Variants in CEP85L observed in about 807,000 individuals in gnomAD.
CEP85L encodes the protein centrosomal protein of 85 kDa-like.
In CEP85L, 60 loss-of-function variants were observed where a neutral mutation model predicts 100.3. The observed-to-expected ratio is 0.60, with a 90% CI of 0.49 to 0.74. The LOEUF (loss-of-function observed/expected upper bound fraction) is 0.74, where lower values mean the gene tolerates loss of function less well. Among genes scored for constraint, CEP85L ranks in the 30% least tolerant of loss-of-function variants. The pLI is 0.00. For synonymous variants in CEP85L, 319 were observed against 322.7 expected, an observed-to-expected ratio of 0.99 and a Z score of 0.12; for missense variants, 973 against 936.2, an observed-to-expected ratio of 1.04 and a Z score of -0.51.
At chr6:118,647,716 AG>A (rs758340189) in intron 1 of CEP85L, among the ~76,000 whole-genome samples, 7 of 152,190 alleles carry the variant, frequency 4.6e-5, no homozygotes, top group Non-Finnish European at 7.3e-5. Context: ...TAGCACAACT[AG>A]GTATTAGGAA....
intron 1 of CEP85L, among the ~76,000 whole-genome samples, chr6:118,706,187 A>C (rs556203362): frequency 1.3e-5 from 2 of 152,304 alleles, no homozygotes; most frequent in East Asian, 3.9e-4. Flanking sequence ...CACTCTGACA[A>C]GGGGATTATT....
intron 2 of CEP85L, among the ~76,000 whole-genome samples, chr6:118,631,144 A>G (rs1774119925): frequency 6.6e-6 from 1 of 152,154 alleles, no homozygotes; most frequent in South Asian, 2.1e-4. Flanking sequence ...ATGACATTGG[A>G]GGAGGCTGTG....
chr6:118,671,722 G>C (rs1462486131), intron 1 of CEP85L, among the ~76,000 whole-genome samples: 1 of 152,106 alleles, frequency 6.6e-6, no homozygotes, highest in Non-Finnish European at 1.5e-5. Flanking sequence ...TGGATCACTT[G>C]AGGTCAGGAG....
chr6:118,482,687 C>A (rs1486687857), intron 7 of CEP85L, among the ~76,000 whole-genome samples: 2 of 152,156 alleles, frequency 1.3e-5, no homozygotes, highest in African/African-American at 4.8e-5. Flanking sequence ...CTGTTCAAGA[C>A]CCTTAACTGC....
At chr6:118,676,868 T>A (rs1776500712) in intron 1 of CEP85L, among the ~76,000 whole-genome samples, 2 of 152,252 alleles carry the variant, frequency 1.3e-5, no homozygotes, top group South Asian at 4.1e-4. Context: ...TGTCTTTTTT[T>A]AAATGATAGC....
At chr6:118,563,762 T>C (rs1779352341) in intron 3 of CEP85L, among the ~76,000 whole-genome samples, 1 of 152,174 alleles carries the variant, frequency 6.6e-6, no homozygotes, top group Non-Finnish European at 1.5e-5. Context: ...GAAGTCAATG[T>C]TTCAAAGAGG....
At chr6:118,651,125 G>A (rs993218729) in intron 1 of CEP85L, 72 bp downstream of exon 1, 3 of 1,435,302 alleles carry the variant, frequency 2.1e-6, no homozygotes, top group East Asian at 3.0e-5. Flanking sequence ...GGAGGGGAGC[G>A]GCGGCGAGGT....
chr6:118,506,629 A>T (rs1005272597), intron 5 of CEP85L, among the ~76,000 whole-genome samples: 2 of 152,138 alleles, frequency 1.3e-5, no homozygotes, highest in African/African-American at 2.4e-5. Context: ...GCACTTATGA[A>T]CCAATCTAGA....
chr6:118,685,492 A>AAAAT (rs1381620926), intron 1 of CEP85L, among the ~76,000 whole-genome samples: 2 of 152,246 alleles, frequency 1.3e-5, no homozygotes, highest in Non-Finnish European at 2.9e-5. Flanking sequence ...CTCACAATGA[A>AAAAT]AAATAATTTT....
At chr6:118,631,400 A>T (rs1479376012) in intron 2 of CEP85L, among the ~76,000 whole-genome samples, 1 of 152,218 alleles carries the variant, frequency 6.6e-6, no homozygotes, top group East Asian at 1.9e-4. Flanking sequence ...CACTCTAGAA[A>T]ACTGTGTGGC....
chr6:118,601,512 A>T (rs1781786609), intron 2 of CEP85L, among the ~76,000 whole-genome samples: 1 of 152,218 alleles, frequency 6.6e-6, no homozygotes, highest in African/African-American at 2.4e-5. Flanking sequence ...ATTATGAAAT[A>T]TTTGAAATGA....
At position 118,522,847 on chromosome 6, in the gene CEP85L, C is replaced by A. The variant is rs147768033; in HGVS notation, c.1139+955G>T. On this transcript the variant is annotated intron_variant, in intron 4 of 12. Transcript: ENST00000368491. ...TGAGCTGAGATGGCACCACTGCACTCCAGCCTGGGCGACAGACTGAGACTC... is the reference window on the plus strand; with the variant it reads ...TGAGCTGAGATGGCACCACTGCACTACAGCCTGGGCGACAGACTGAGACTC... Among the ~76,000 whole-genome samples the A allele has an allele frequency of 6.8e-4, 103 of 150,770 alleles. No homozygotes were observed. In the East Asian group the frequency reaches 0.018, roughly 26 times the overall value.
chr6:118,567,237 GTGTGTGTGTGTGTATATATATATATAT>G (rs1779583365), intron 2 of CEP85L, among the ~76,000 whole-genome samples: 1 of 86,880 alleles, frequency 1.2e-5, no homozygotes, highest in Non-Finnish European at 2.1e-5. Context: ...GTGTGTGTGT[GTGTGTGTGTGTGTATATATATATATAT>G]ATATATATAT....
At chr6:118,575,727 T>C (rs996903711) in intron 2 of CEP85L, among the ~76,000 whole-genome samples, 3 of 152,188 alleles carry the variant, frequency 2.0e-5, no homozygotes, top group Non-Finnish European at 2.9e-5. Flanking sequence ...AAGCTATATG[T>C]GATGCAGTCC....
chr6:118,652,957 T>A, upstream of CEP85L: 1 of 466,292 alleles, frequency 2.1e-6, no homozygotes. Context: ...GCTATAGCAC[T>A]ATGTATAGAT....
At chr6:118,534,214 TA>T (rs1454925406) in intron 3 of CEP85L, among the ~76,000 whole-genome samples, 1 of 152,096 alleles carries the variant, frequency 6.6e-6, no homozygotes, top group Non-Finnish European at 1.5e-5. Flanking sequence ...CAATTTTTTT[TA>T]AAAAACCAAT....
At chr6:118,696,584 C>T (rs1340447019) in intron 1 of CEP85L, among the ~76,000 whole-genome samples, 1 of 152,146 alleles carries the variant, frequency 6.6e-6, no homozygotes, top group South Asian at 2.1e-4. Context: ...TTCATGAGCC[C>T]GTTGAGTGAG....
intron 2 of CEP85L, among the ~76,000 whole-genome samples, chr6:118,572,263 C>G (rs1331498385): frequency 1.7e-5 from 2 of 119,476 alleles, no homozygotes; most frequent in Non-Finnish European, 3.4e-5. Flanking sequence ...CCACATGTAA[C>G]CCATTCTTTA....
chr6:118,502,303 A>G (rs535682622), intron 5 of CEP85L: 15 of 526,128 alleles, frequency 2.9e-5, no homozygotes, highest in African/African-American at 2.5e-4. Context: ...CTATGGGGGA[A>G]GACTGATCTT....
Sources: allele counts gnomAD v4.1 joint callset (sites outside exome capture counted in the v4.1 genomes callset), GRCh38; gene constraint gnomAD v4.1.1; transcripts MANE v1.5; gene names NCBI Gene and HGNC (gene_info 2026-07-23, HGNC 2026-07-21).